Variants in PRTG observed in about 807,000 individuals in gnomAD.
PRTG encodes the protein protogenin.
PRTG carries 67 observed loss-of-function variants against 122.5 expected under a neutral mutation model. The ratio of observed to expected loss-of-function variants is 0.55; its 90% CI spans 0.45 to 0.67. The LOEUF is 0.67. Ranked by LOEUF, PRTG falls within the 30% of genes least tolerant of loss-of-function variation. The probability of loss-of-function intolerance (pLI) is 0.00; values close to 1 mark genes in which losing one functional copy is unlikely to be tolerated. For missense variants in PRTG, 1,435 were observed against 1,415.4 expected, an observed-to-expected ratio of 1.01 and a Z score of -0.22; for synonymous variants, 554 against 501.1, an observed-to-expected ratio of 1.11 and a Z score of -1.41.
At chr15:55,621,385 C>T (rs1359233806) in intron 18 of PRTG, among the ~76,000 whole-genome samples, 1 of 148,716 alleles carries the variant, frequency 6.7e-6, no homozygotes, top group African/African-American at 2.5e-5. Context: ...AGGCCAGGTA[C>T]GGTGGCTCAC....
intron 11 of PRTG, among the ~76,000 whole-genome samples, chr15:55,654,817 G>A (rs79231895): frequency 0.078 from 11,829 of 152,148 alleles, 526 homozygotes; most frequent in Non-Finnish European, 0.11. Flanking sequence ...TTTCACTGTC[G>A]TGGGCTTGCC....
intron 11 of PRTG, among the ~76,000 whole-genome samples, chr15:55,649,891 C>T (rs760416362): frequency 1.5e-4 from 23 of 152,110 alleles, no homozygotes; most frequent in Non-Finnish European, 2.6e-4. Flanking sequence ...CTCTCATGTA[C>T]AAGTGCAGGG....
At chr15:55,673,325 CA>C in intron 10 of PRTG, 45 bp downstream of exon 10, 1 of 1,371,228 alleles carries the variant, frequency 7.3e-7, no homozygotes, top group Non-Finnish European at 1.0e-6. Flanking sequence ...AAACTTGATT[CA>C]AAAGTAAAAA....
chr15:55,649,678 G>C (rs1416884064), intron 11 of PRTG, among the ~76,000 whole-genome samples: 1 of 152,012 alleles, frequency 6.6e-6, no homozygotes, highest in Non-Finnish European at 1.5e-5. Context: ...AGTAATTCCA[G>C]CTACTCGGGT....
At chr15:55,710,577 T>C (rs1595669210) in intron 2 of PRTG, among the ~76,000 whole-genome samples, 8 of 152,312 alleles carry the variant, frequency 5.3e-5, no homozygotes, top group Admixed American at 5.2e-4. Flanking sequence ...GTGAGTACAT[T>C]ATAATATCCC....
At chr15:55,634,787 A>G (rs570057403) in intron 15 of PRTG, among the ~76,000 whole-genome samples, 5 of 152,016 alleles carry the variant, frequency 3.3e-5, no homozygotes, top group Admixed American at 6.6e-5. Context: ...GGTTACAGTG[A>G]GCCAAGATCC....
chr15:55,733,065 C>T (rs2031290565), intron 2 of PRTG, among the ~76,000 whole-genome samples: 1 of 151,918 alleles, frequency 6.6e-6, no homozygotes. Flanking sequence ...AAAAATTAGC[C>T]GGGCATAGTG....
Position 55,692,998 on chromosome 15 carries a change from G to A in PRTG, c.398-9067C>T, listed in dbSNP as rs562990744. ...TAGAACTACAGGTGGATGCCACCAC[G>A]GCCAGCTAATTTTTTTTTTTTTTGT... On this transcript the variant is annotated intron_variant, in intron 2 of 19. Transcript: ENST00000389286. 6.6e-5 allele frequency among the ~76,000 whole-genome samples: 10 copies of A among 151,496 alleles called. No homozygotes were observed. In the South Asian group the frequency reaches 1.0e-3, roughly 16 times the overall value.
chr15:55,629,429 GTGTGTGTAA>G (rs1474536853), intron 15 of PRTG, among the ~76,000 whole-genome samples: 27 of 139,332 alleles, frequency 1.9e-4, no homozygotes, highest in African/African-American at 7.2e-4. Context: ...GTGTGTGTGT[GTGTGTGTAA>G]TGTTTTACTC....
At chr15:55,678,568 A>C (rs1432294965) in intron 7 of PRTG, among the ~76,000 whole-genome samples, 1 of 152,208 alleles carries the variant, frequency 6.6e-6, no homozygotes, top group Admixed American at 6.5e-5. Context: ...TTAGATAATA[A>C]AAGTTACTGA....
intron 2 of PRTG, among the ~76,000 whole-genome samples, chr15:55,685,487 T>G (rs1555433562): frequency 6.6e-6 from 1 of 152,168 alleles, no homozygotes; most frequent in Non-Finnish European, 1.5e-5. Context: ...TCTCTTGTCT[T>G]GAATATACGG....
At chr15:55,666,831 A>G (rs1457941392) in intron 11 of PRTG, among the ~76,000 whole-genome samples, 2 of 152,174 alleles carry the variant, frequency 1.3e-5, no homozygotes, top group African/African-American at 4.8e-5. Context: ...GCATTATTTC[A>G]TTTAATCTCC....
chr15:55,629,375 A>ATG (rs59080250), intron 15 of PRTG, among the ~76,000 whole-genome samples: 2,076 of 47,684 alleles, frequency 0.044, 29 homozygotes, highest in East Asian at 0.091. Context: ...ATATATATAT[A>ATG]TGTGTGTGTG....
chr15:55,671,415 T>C (rs879653624), intron 11 of PRTG, among the ~76,000 whole-genome samples: 5 of 152,262 alleles, frequency 3.3e-5, no homozygotes, highest in Non-Finnish European at 7.3e-5. Context: ...AAAATCTACT[T>C]ATGAGCAACA....
intron 4 of PRTG, among the ~76,000 whole-genome samples, chr15:55,681,731 A>G (rs552801559): frequency 6.6e-6 from 1 of 152,324 alleles, no homozygotes; most frequent in East Asian, 1.9e-4. Flanking sequence ...TTAAACGACA[A>G]GCAAAAGAAT....
At chr15:55,726,597 C>T (rs2031039486) in intron 2 of PRTG, among the ~76,000 whole-genome samples, 1 of 149,350 alleles carries the variant, frequency 6.7e-6, no homozygotes, top group African/African-American at 2.5e-5. Context: ...ATGCCATGCA[C>T]TCCAGCCTGG....
At chr15:55,620,383 A>T in intron 19 of PRTG, 117 bp from the exon 20 acceptor site, 1 of 1,499,214 alleles carries the variant, frequency 6.7e-7, no homozygotes. Context: ...GTGGCAAGCG[A>T]AGTGTCAAAA....
chr15:55,711,002 G>A lies in PRTG; in HGVS notation c.398-27071C>T, dbSNP rs7170029. On this transcript the variant is annotated intron_variant, in intron 2 of 19. Transcript: ENST00000389286. ...GCTCACTGCAAACTCCACCTCCTGGGTTCCAGTGATTCTCCTGCCTCAGCT... is the reference window on the plus strand; with the variant it reads ...GCTCACTGCAAACTCCACCTCCTGGATTCCAGTGATTCTCCTGCCTCAGCT... 6.2e-3 allele frequency among the ~76,000 whole-genome samples: 942 copies of A among 151,916 alleles called. 15 individuals are homozygous for A. The highest frequency in any genetic ancestry group is 0.022 in the African/African-American group (909 of 41,424).
At chr15:55,625,875 G>A (rs2059192027) in intron 17 of PRTG, among the ~76,000 whole-genome samples, 1 of 151,860 alleles carries the variant, frequency 6.6e-6, no homozygotes, top group Non-Finnish European at 1.5e-5. Context: ...CGCTCACCTC[G>A]GCCTCCCCAA....
Sources: gnomAD v4.1 joint callset for allele counts (sites outside exome capture counted in the v4.1 genomes callset) on GRCh38, gnomAD v4.1.1 for gene constraint, MANE v1.5 for transcripts, NCBI Gene and HGNC (gene_info 2026-07-23, HGNC 2026-07-21) for gene names.